The following EPHA3 variants were observed in gnomAD, a reference collection of about 807,000 sequenced individuals.
EPHA3 encodes the protein EPH receptor A3.
A neutral mutation model predicts 107.1 loss-of-function variants in EPHA3; 42 were observed. That is an observed-to-expected ratio of 0.39 (90% CI 0.31 to 0.51). The LOEUF (loss-of-function observed/expected upper bound fraction) is 0.51. Among genes scored for constraint, EPHA3 ranks in the 20% least tolerant of loss-of-function variants. The pLI is 0.78. For missense variants in EPHA3, 1,183 were observed against 1,211.2 expected (o/e 0.98, Z 0.35); for synonymous variants, 461 against 424.8 (o/e 1.09, Z -1.05).
chr3:89,328,268 T>C (rs1294256665), intron 3 of EPHA3, among the ~76,000 whole-genome samples: 2 of 152,134 alleles, frequency 1.3e-5, no homozygotes, highest in African/African-American at 4.8e-5. Context: ...TAACATGTAG[T>C]AGACAGTCCA....
chr3:89,357,770 G>A (rs959526731), intron 5 of EPHA3, among the ~76,000 whole-genome samples: 1 of 150,994 alleles, frequency 6.6e-6, no homozygotes, highest in South Asian at 2.1e-4. Flanking sequence ...AAACAACTAG[G>A]CTAAGAACAT....
chr3:89,321,101 G>A (rs1333409476), intron 3 of EPHA3, among the ~76,000 whole-genome samples: 1 of 151,956 alleles, frequency 6.6e-6, no homozygotes, highest in East Asian at 1.9e-4. Flanking sequence ...TGTATGCGGA[G>A]TAAAATATAG....
intron 5 of EPHA3, among the ~76,000 whole-genome samples, chr3:89,390,513 T>A (rs1559677228): frequency 6.6e-6 from 1 of 151,404 alleles, no homozygotes; most frequent in Non-Finnish European, 1.5e-5. Flanking sequence ...GGCAGGAGAA[T>A]TGCTTGAACC....
chr3:89,266,909 A>G (rs1705550733), intron 3 of EPHA3, among the ~76,000 whole-genome samples: 1 of 152,132 alleles, frequency 6.6e-6, no homozygotes, highest in African/African-American at 2.4e-5. Context: ...CAGAAATAGA[A>G]ATTCACCAAT....
chr3:89,288,314 T>C (rs1443686675), intron 3 of EPHA3, among the ~76,000 whole-genome samples: 1 of 152,174 alleles, frequency 6.6e-6, no homozygotes, highest in Non-Finnish European at 1.5e-5. Flanking sequence ...TGGTAGGACA[T>C]GAATGATTAT....
intron 3 of EPHA3, among the ~76,000 whole-genome samples, chr3:89,261,730 A>G (rs1435739615): frequency 6.6e-6 from 1 of 152,084 alleles, no homozygotes; most frequent in Admixed American, 6.5e-5. Flanking sequence ...ACTCATTTAT[A>G]ACTCTAGTAT....
At chr3:89,164,368 G>A (rs1040339477) in intron 2 of EPHA3, among the ~76,000 whole-genome samples, 1 of 152,252 alleles carries the variant, frequency 6.6e-6, no homozygotes, top group Non-Finnish European at 1.5e-5. Flanking sequence ...CCCACTGGCT[G>A]TGGGTTGAAC....
At chr3:89,341,365 A>G (rs1466728925) in intron 4 of EPHA3, among the ~76,000 whole-genome samples, 1 of 152,202 alleles carries the variant, frequency 6.6e-6, no homozygotes, top group African/African-American at 2.4e-5. Context: ...GGGAGGTTAT[A>G]GACAGGGGAT....
intron 3 of EPHA3, among the ~76,000 whole-genome samples, chr3:89,216,171 T>C (rs1559604790): frequency 6.6e-6 from 1 of 151,952 alleles, no homozygotes; most frequent in Admixed American, 6.6e-5. Context: ...TATGGTAATG[T>C]ATGGGTTAAT....
At chr3:89,417,608 T>C (rs748922574) in intron 10 of EPHA3, among the ~76,000 whole-genome samples, 2 of 151,422 alleles carry the variant, frequency 1.3e-5, no homozygotes, top group Non-Finnish European at 3.0e-5. Flanking sequence ...AATATTCTCA[T>C]ATCTAAATGG....
intron 2 of EPHA3, among the ~76,000 whole-genome samples, chr3:89,154,234 A>G (rs1464660874): frequency 6.6e-6 from 1 of 150,916 alleles, no homozygotes; most frequent in East Asian, 1.9e-4. Context: ...GAGAACAGGA[A>G]AGTTTTGGGC....
chr3:89,422,192 AACACACACACACACACACACACAC>A (rs56370135), intron 11 of EPHA3, among the ~76,000 whole-genome samples: 1 of 140,492 alleles, frequency 7.1e-6, no homozygotes, highest in African/African-American at 2.6e-5. Flanking sequence ...TGTTGTATTT[AACACACACACACACACACACACAC>A]ACACACACAC....
chr3:89,147,726 C>G (rs1306501480), intron 2 of EPHA3, among the ~76,000 whole-genome samples: 3 of 151,740 alleles, frequency 2.0e-5, no homozygotes, highest in Admixed American at 6.6e-5. Flanking sequence ...ATTCCTCACC[C>G]CTGAGGAATT....
At chr3:89,124,854 T>C (rs1205160219) in intron 1 of EPHA3, among the ~76,000 whole-genome samples, 1 of 151,964 alleles carries the variant, frequency 6.6e-6, no homozygotes, top group African/African-American at 2.4e-5. Flanking sequence ...TCTGAGTAAA[T>C]GCAATAAATT....
Position 89,157,313 on chromosome 3 carries a change from TTAATA to T in EPHA3, c.153+30045_153+30049del, listed in dbSNP as rs567343815. 2.5e-3 allele frequency among the ~76,000 whole-genome samples: 374 copies of T among 152,158 alleles called. 2 individuals are homozygous for T. The highest frequency in any genetic ancestry group is 8.4e-3 in the African/African-American group (349 of 41,550). On this transcript the variant is annotated intron_variant, in intron 2 of 16. Coordinates refer to ENST00000336596, the MANE Select transcript of EPHA3 (RefSeq NM_005233.6). Reference sequence around the variant, plus strand: ...TTGCCAGATATTCCTTAATGCAACTTTAATATAATTTTCTAGGATCGCCAAATTTA... The same window carrying T: ...TTGCCAGATATTCCTTAATGCAACTTTAATTTTCTAGGATCGCCAAATTTA...
intron 2 of EPHA3, among the ~76,000 whole-genome samples, chr3:89,186,759 A>G (rs1331589567): frequency 6.6e-6 from 1 of 152,104 alleles, no homozygotes; most frequent in African/African-American, 2.4e-5. Flanking sequence ...GTAAATGACA[A>G]TAGAAAAACA....
intron 3 of EPHA3, among the ~76,000 whole-genome samples, chr3:89,316,505 A>AATATATATATAT (rs58576798): frequency 8.7e-4 from 91 of 104,122 alleles, no homozygotes; most frequent in South Asian, 1.5e-3. Context: ...GTGTGTGTGT[A>AATATATATATAT]ATATATATAT....
chr3:89,200,807 T>C (rs1405013560), intron 2 of EPHA3, among the ~76,000 whole-genome samples: 1 of 152,174 alleles, frequency 6.6e-6, no homozygotes, highest in Non-Finnish European at 1.5e-5. Context: ...TTCTCCCATA[T>C]CCCAAAGATG....
intron 13 of EPHA3, among the ~76,000 whole-genome samples, chr3:89,434,347 A>G (rs1352648886): frequency 6.6e-6 from 1 of 152,132 alleles, no homozygotes; most frequent in Non-Finnish European, 1.5e-5. Flanking sequence ...CCTCACAAGT[A>G]GTTTGGATAA....
Sources: gnomAD v4.1 joint callset for allele counts (sites outside exome capture counted in the v4.1 genomes callset) on GRCh38, gnomAD v4.1.1 for gene constraint, MANE v1.5 for transcripts, NCBI Gene and HGNC (gene_info 2026-07-23, HGNC 2026-07-21) for gene names.